GPR137B: variants seen among roughly 807,000 people sequenced by gnomAD.
GPR137B encodes the protein integral membrane protein GPR137B.
In GPR137B, 42 loss-of-function variants were observed where a neutral mutation model predicts 42.5. The ratio of observed to expected loss-of-function variants is 0.99; its 90% CI spans 0.77 to 1.28. GPR137B has a LOEUF of 1.28. Among genes scored for constraint, GPR137B ranks in the 50% most tolerant of loss-of-function variants. The pLI, the probability that GPR137B is intolerant of heterozygous loss-of-function variation, is 0.00. For missense variants in GPR137B, 487 were observed against 493.9 expected (o/e 0.99, Z 0.13); for synonymous variants, 218 against 209.7 (o/e 1.04, Z -0.34).
At position 236,155,443 on chromosome 1, in the gene GPR137B, G is replaced by A. The variant is rs931005374; in HGVS notation, c.414+12407G>A. ...CTGAATCCAGGTGCTCAGGGGACAAGAGACAATTCAGAAAAGCAGGGAGAC... is the reference window on the plus strand; with the variant it reads ...CTGAATCCAGGTGCTCAGGGGACAAAAGACAATTCAGAAAAGCAGGGAGAC... On this transcript the variant is annotated intron_variant, in intron 1 of 6. Coordinates refer to ENST00000366592, the MANE Select transcript of GPR137B (RefSeq NM_003272.4). This position sits in a 1 kb window ranked among gnomAD's most constrained non-coding sequence, Gnocchi z 4.6. Among the ~76,000 whole-genome samples, 22 of 152,344 alleles carry A rather than the reference G, an allele frequency of 1.4e-4. No individual in the cohort carries two copies. Among genetic ancestry groups the A allele is most frequent in the African/African-American group, 5.1e-4 (21 of 41,582 alleles).
At chr1:236,203,344 T>A (rs1663554913) in intron 5 of GPR137B, among the ~76,000 whole-genome samples, 1 of 152,180 alleles carries the variant, frequency 6.6e-6, no homozygotes, top group South Asian at 2.1e-4. Flanking sequence ...CCCAAAGTGC[T>A]GGGATTACAG....
chr1:236,196,433 C>T (rs145025809), intron 5 of GPR137B, among the ~76,000 whole-genome samples: 131 of 152,286 alleles, frequency 8.6e-4, no homozygotes, highest in Non-Finnish European at 1.1e-3. Context: ...AGCCACTGTG[C>T]GTGGCCAAGA....
intron 2 of GPR137B, among the ~76,000 whole-genome samples, chr1:236,172,622 A>G (rs1662568997): frequency 6.6e-6 from 1 of 151,792 alleles, no homozygotes; most frequent in Non-Finnish European, 1.5e-5. Flanking sequence ...AATCATTTCC[A>G]ACTGTTTGCC....
chr1:236,208,826 A>T lies in GPR137B; in HGVS notation c.*668A>T, dbSNP rs1663744696. 1.0e-6 allele frequency: 1 copy of T among 984,166 alleles called. No individual in the cohort carries two copies. Among genetic ancestry groups the T allele is most frequent in the Non-Finnish European group, 1.2e-6 (1 of 828,812 alleles). 61.0% of individuals were successfully genotyped at this position (984,166 alleles called of 1,614,324 possible). A position where few individuals can be genotyped will look rare whatever the true frequency, so the allele number is the denominator to read the frequency against. On this transcript the variant is annotated 3_prime_UTR_variant, in exon 7 of 7. Coordinates refer to ENST00000366592, the MANE Select transcript of GPR137B (RefSeq NM_003272.4). Reference sequence around the variant, plus strand: ...TGGTACTTCCTTTCAGTAGGGCGCTAATGTATACACATTAATGATAAGTTG... The same window carrying T: ...TGGTACTTCCTTTCAGTAGGGCGCTTATGTATACACATTAATGATAAGTTG...
intron 5 of GPR137B, among the ~76,000 whole-genome samples, chr1:236,189,991 G>A (rs1338389954): frequency 1.3e-5 from 2 of 152,066 alleles, no homozygotes; most frequent in Non-Finnish European, 2.9e-5. Flanking sequence ...ATGAATCTGG[G>A]TGCTCCTGTA....
In GPR137B at chr1:236,142,912, CCTT is replaced by C. The variant is rs759470855; in HGVS notation, c.293_295del (p.Phe98del). 6.2e-6 allele frequency: 10 copies of C among 1,614,056 alleles called. No individual in the cohort carries two copies. Among genetic ancestry groups the C allele is most frequent in the East Asian group, 2.2e-5 (1 of 44,890 alleles). On this transcript the variant is annotated inframe_deletion, in exon 1 of 7. Transcript: ENST00000366592. ...GCCTCCCTGCGGACCGTCCTCTTCT[CCTT>C]CTACTTCAAAGACTTCGTGGCGGCC...
chr1:236,142,952 C>A lies in GPR137B; in HGVS notation c.330C>A (p.Ser110Arg), dbSNP rs750640487. The change falls in exon 1 of 7, where the codon AGC becomes AGA. Residue 110 changes from serine to arginine, a missense_variant. Physicochemically the swap from Ser to Arg is moderately radical, Grantham distance 110 (BLOSUM62 -1). Transcript: ENST00000366592. ...FKDFVAANSL[S>R]PFVFWLLYCF... ...ACTTCGTGGCGGCCAATTCGCTCAG[C>A]CCCTTCGTCTTCTGGCTGCTCTACT... is the stretch of plus-strand genomic sequence containing the variant. 1.2e-6 allele frequency: 2 copies of A among 1,614,006 alleles called. No homozygotes were observed. Among genetic ancestry groups the A allele is most frequent in the Non-Finnish European group, 1.7e-6 (2 of 1,179,950 alleles).
intron 1 of GPR137B, among the ~76,000 whole-genome samples, chr1:236,153,170 G>A (rs1248029697): frequency 6.6e-6 from 1 of 152,140 alleles, no homozygotes; most frequent in African/African-American, 2.4e-5. Flanking sequence ...ATGCAGCTGA[G>A]TGATGTTCAG....
chr1:236,192,197 G>A (rs545666231), intron 5 of GPR137B, among the ~76,000 whole-genome samples: 10 of 152,240 alleles, frequency 6.6e-5, no homozygotes, highest in South Asian at 2.1e-4. Flanking sequence ...GTCCCAGGTC[G>A]ACCTCAGACT....
At chr1:236,168,623 G>T in intron 1 of GPR137B, 83 bp from the exon 2 acceptor site, 1 of 1,010,168 alleles carries the variant, frequency 9.9e-7, no homozygotes. Flanking sequence ...GGATGAAGGG[G>T]CAGAGGAATT....
Position 236,150,323 on chromosome 1 carries a change from G to A in GPR137B, c.414+7287G>A, listed in dbSNP as rs1210516409. 6.6e-6 allele frequency among the ~76,000 whole-genome samples: 1 copy of A among 151,814 alleles called. No homozygotes were observed. The highest frequency in any genetic ancestry group is 1.5e-5 in the Non-Finnish European group (1 of 67,942). ...TTTGTGTGTATGTGCCTGTGTGTGT[G>A]TCTGTGCATGTGTGTGCCTGTGTGT... On this transcript the variant is annotated intron_variant, in intron 1 of 6. Coordinates refer to ENST00000366592, the MANE Select transcript of GPR137B (RefSeq NM_003272.4). This position sits in a 1 kb window ranked among gnomAD's most constrained non-coding sequence, Gnocchi z 6.2.
chr1:236,174,926 G>A (rs4659635), intron 2 of GPR137B, among the ~76,000 whole-genome samples: 24,649 of 152,116 alleles, frequency 0.16, 2,089 homozygotes, highest in East Asian at 0.27. Flanking sequence ...GGCTGTTAGG[G>A]AAATGAGTCT....
chr1:236,168,744 A>T lies in GPR137B; in HGVS notation c.453A>T (p.Leu151Phe), dbSNP rs1209219105. The T allele has an allele frequency of 2.5e-6, 4 of 1,608,224 alleles. No homozygotes were observed. The African/African-American group carries it at 5.3e-5, about 22-fold the overall frequency. The change falls in exon 2 of 7, where the codon TTA becomes TTT. Residue 151 changes from leucine to phenylalanine, a missense_variant. By Grantham distance (22) the Leu-to-Phe change is conservative. Transcript: ENST00000366592. The stretch of plus-strand genomic sequence containing the variant: ...CCAAGTCAAAATATTCTCCAGAATT[A>T]CTCAAATACCGGTAAGTACTGCAGG... Reference protein sequence around the residue: ...FKAKSKYSPELLKYRLPLYLA... With the variant: ...FKAKSKYSPEFLKYRLPLYLA...
intron 6 of GPR137B, among the ~76,000 whole-genome samples, chr1:236,205,896 C>G (rs1262499151): frequency 6.6e-6 from 1 of 152,164 alleles, no homozygotes; most frequent in African/African-American, 2.4e-5. Flanking sequence ...AATGTGTGCT[C>G]TGAATCTCCA....
chr1:236,178,588 C>CTACA lies in GPR137B; in HGVS notation c.640_643dup (p.Lys215IlefsTer5), dbSNP rs1308465543. 1.9e-6 allele frequency: 3 copies of CTACA among 1,612,642 alleles called. No individual in the cohort carries two copies. In the African/African-American group the frequency reaches 4.0e-5, roughly 22 times the overall value. ...GTGCCGTCTCTCTCTCCATCTGTCT[C>CTACA]TACAAAATCTCTAAGATGTCCTTAG... On this transcript the variant is annotated frameshift_variant, in exon 3 of 7. Coordinates refer to ENST00000366592, the MANE Select transcript of GPR137B (RefSeq NM_003272.4). LOFTEE classifies it high-confidence loss of function.
rs1424848979 is a variant in GPR137B at position 236,150,313 on chromosome 1, CTGTG to C, written c.414+7285_414+7288del. On this transcript the variant is annotated intron_variant, in intron 1 of 6. Transcript: ENST00000366592. This position sits in a 1 kb window ranked among gnomAD's most constrained non-coding sequence, Gnocchi z 6.2. ...TTTGCCTGTGTTTGTGTGTATGTGC[CTGTG>C]TGTGTGTCTGTGCATGTGTGTGCCT... Among the ~76,000 whole-genome samples, 1 of 146,178 alleles carries C rather than the reference CTGTG, an allele frequency of 6.8e-6. No homozygotes were observed. The highest frequency in any genetic ancestry group is 1.5e-5 in the Non-Finnish European group (1 of 66,260).
chr1:236,159,347 C>T (rs1662120293), intron 1 of GPR137B, among the ~76,000 whole-genome samples: 1 of 152,102 alleles, frequency 6.6e-6, no homozygotes, highest in Non-Finnish European at 1.5e-5. Flanking sequence ...GATTGTAAGA[C>T]AGCAAATGTC....
intron 5 of GPR137B, among the ~76,000 whole-genome samples, chr1:236,186,681 G>T (rs1663048071): frequency 6.6e-6 from 1 of 151,900 alleles, no homozygotes; most frequent in African/African-American, 2.4e-5. Flanking sequence ...CCCTTTTTAT[G>T]GCTGCATAGT....
Position 236,208,036 on chromosome 1 carries a change from TTTTTC to T in GPR137B, c.1092-9_1092-5del. The T allele has an allele frequency of 6.3e-7, 1 of 1,588,724 alleles. No individual in the cohort carries two copies. The highest frequency in any genetic ancestry group is 1.3e-5 in the African/African-American group (1 of 74,532). ...TAATGTTTCAAGTCACTGAAATATTTTTTTCTTTTTAAGTTTTGCTCCAGATTACT... is the reference window on the plus strand; with the variant it reads ...TAATGTTTCAAGTCACTGAAATATTTTTTTTAAGTTTTGCTCCAGATTACT... On this transcript the variant is annotated splice_polypyrimidine_tract_variant and intron_variant, in intron 6 of 6. Coordinates refer to ENST00000366592, the MANE Select transcript of GPR137B (RefSeq NM_003272.4).
Sources: allele counts gnomAD v4.1 joint callset (sites outside exome capture counted in the v4.1 genomes callset), GRCh38; gene constraint gnomAD v4.1.1; non-coding constraint Gnocchi (gnomAD v3.1); transcripts MANE v1.5; gene names NCBI Gene and HGNC (gene_info 2026-07-23, HGNC 2026-07-21).